CSGALNACT1: variants seen among roughly 807,000 people sequenced by gnomAD.
CSGALNACT1 encodes beta4GalNAcT-1.
A neutral mutation model predicts 51.0 loss-of-function variants in CSGALNACT1; 52 were observed. The observed-to-expected ratio is 1.02, with a 90% CI of 0.82 to 1.29. CSGALNACT1 has a LOEUF of 1.29. Among genes scored for constraint, CSGALNACT1 ranks in the 50% most tolerant of loss-of-function variants. CSGALNACT1 has a pLI of 0.00. For synonymous variants in CSGALNACT1, 341 were observed against 254.4 expected, an observed-to-expected ratio of 1.34 and a Z score of -3.24; for missense variants, 935 against 679.2, an observed-to-expected ratio of 1.38 and a Z score of -4.19.
At position 19,465,009 on chromosome 8, in the gene CSGALNACT1, A is replaced by T. The variant is rs907157072; in HGVS notation, c.635-6367T>A. Among the ~76,000 whole-genome samples, 7 of 152,198 alleles carry T rather than the reference A, an allele frequency of 4.6e-5. No homozygotes were observed. In the South Asian group the frequency reaches 1.5e-3, roughly 32 times the overall value. Reference sequence around the variant, plus strand: ...TATTTCTAGGTCTATATCCCAAAGAATTAAAAACAGGGGTCCTAACAGATA... The same window carrying T: ...TATTTCTAGGTCTATATCCCAAAGATTTAAAAACAGGGGTCCTAACAGATA... On this transcript the variant is annotated intron_variant, in intron 4 of 9. Coordinates refer to ENST00000454498, the Ensembl canonical transcript of CSGALNACT1.
exon 10 of CSGALNACT1, chr8:19,404,814 C>G: frequency 2.2e-6 from 1 of 454,494 alleles, no homozygotes; most frequent in South Asian, 1.6e-5. Flanking sequence ...AATGAGTTTC[C>G]TTTTCTGTAA....
At chr8:19,408,785 G>A (rs886664871) in intron 8 of CSGALNACT1, 91 bp from the exon 8 acceptor site, 1 of 1,111,342 alleles carries the variant, frequency 9.0e-7, no homozygotes, top group African/African-American at 1.5e-5. Flanking sequence ...GTGGAGTGTG[G>A]AGCCCATCCC....
At chr8:19,713,499 A>C (rs2062629747) in intron 1 of CSGALNACT1, among the ~76,000 whole-genome samples, 1 of 152,186 alleles carries the variant, frequency 6.6e-6, no homozygotes, top group African/African-American at 2.4e-5. Flanking sequence ...TTTTGGAAAT[A>C]AGGTTGCTTC....
chr8:19,547,851 T>C (rs1024761617), intron 3 of CSGALNACT1, among the ~76,000 whole-genome samples: 4 of 152,102 alleles, frequency 2.6e-5, no homozygotes, highest in Admixed American at 6.6e-5. Flanking sequence ...AACATTTACA[T>C]AAAAGGTGAT....
chr8:19,556,677 T>C (rs138244107), intron 3 of CSGALNACT1, among the ~76,000 whole-genome samples: 1 of 152,296 alleles, frequency 6.6e-6, no homozygotes, highest in East Asian at 1.9e-4. Flanking sequence ...GCACAAGCTA[T>C]AATAGATTCT....
intron 1 of CSGALNACT1, among the ~76,000 whole-genome samples, chr8:19,636,130 A>G (rs369778517): frequency 1.3e-5 from 2 of 152,150 alleles, no homozygotes; most frequent in African/African-American, 4.8e-5. Context: ...TGCAGTTTCC[A>G]TTACCTCAGG....
intron 5 of CSGALNACT1, among the ~76,000 whole-genome samples, chr8:19,450,616 T>G (rs975828631): frequency 6.6e-6 from 1 of 152,168 alleles, no homozygotes; most frequent in Non-Finnish European, 1.5e-5. Context: ...TGAAGTCATT[T>G]GCAGGTACAG....
rs750130671 is a variant in CSGALNACT1 at position 19,457,864 on chromosome 8, T to C, written c.851+562A>G. On this transcript the variant is annotated intron_variant, in intron 5 of 9. Coordinates refer to ENST00000454498, the Ensembl canonical transcript of CSGALNACT1. ...GTCTCATTGAGTAGCTACAAAAATGTGGGCTTGAAACCTTCTTGGTATAAT... is the reference window on the plus strand; with the variant it reads ...GTCTCATTGAGTAGCTACAAAAATGCGGGCTTGAAACCTTCTTGGTATAAT... 8 of 1,253,556 alleles carry C rather than the reference T, an allele frequency of 6.4e-6. No homozygotes were observed. The Admixed American group carries it at 1.6e-4, about 25-fold the overall frequency. The allele number at this position is 1,253,556 out of a possible 1,614,324, so 77.7% of individuals were successfully genotyped here.
At chr8:19,456,618 A>C (rs924270398) in intron 5 of CSGALNACT1, among the ~76,000 whole-genome samples, 1 of 152,228 alleles carries the variant, frequency 6.6e-6, no homozygotes, top group African/African-American at 2.4e-5. Flanking sequence ...AAACACTAAA[A>C]GAAGGTTGAA....
chr8:19,560,501 A>C (rs1183429117), intron 3 of CSGALNACT1, among the ~76,000 whole-genome samples: 1 of 152,176 alleles, frequency 6.6e-6, no homozygotes, highest in Non-Finnish European at 1.5e-5. Context: ...CCAACAGAAG[A>C]CTTCGATCCT....
intron 1 of CSGALNACT1, among the ~76,000 whole-genome samples, chr8:19,707,972 C>T (rs1459746360): frequency 6.6e-6 from 1 of 152,172 alleles, no homozygotes; most frequent in Non-Finnish European, 1.5e-5. Flanking sequence ...GGCGCCACTG[C>T]ACTCCAGCCT....
chr8:19,521,643 A>G (rs2154030775), intron 3 of CSGALNACT1, among the ~76,000 whole-genome samples: 1 of 152,338 alleles, frequency 6.6e-6, no homozygotes, highest in Admixed American at 6.5e-5. Context: ...AGATCACACT[A>G]CTAGACTCCG....
intron 1 of CSGALNACT1, among the ~76,000 whole-genome samples, chr8:19,752,208 T>TA (rs1391912933): frequency 6.7e-6 from 1 of 148,686 alleles, no homozygotes; most frequent in African/African-American, 2.4e-5. Context: ...ATATATCTTA[T>TA]ATGATATATA....
At chr8:19,653,439 G>C (rs1251046524) in intron 1 of CSGALNACT1, among the ~76,000 whole-genome samples, 1 of 152,054 alleles carries the variant, frequency 6.6e-6, no homozygotes, top group South Asian at 2.1e-4. Context: ...GGCCTACCCT[G>C]CACCCTCATC....
chr8:19,427,826 A>G (rs1255877065), intron 6 of CSGALNACT1, among the ~76,000 whole-genome samples: 1 of 152,092 alleles, frequency 6.6e-6, no homozygotes, highest in African/African-American at 2.4e-5. Context: ...TGGCAATCTT[A>G]ACACCATGCC....
At chr8:19,417,425 G>C (rs1009753059) in intron 8 of CSGALNACT1, among the ~76,000 whole-genome samples, 1 of 152,204 alleles carries the variant, frequency 6.6e-6, no homozygotes, top group Non-Finnish European at 1.5e-5. Flanking sequence ...CTTGGGGAGA[G>C]AGGATGAAAG....
intron 8 of CSGALNACT1, among the ~76,000 whole-genome samples, chr8:19,413,219 A>G (rs1051622337): frequency 7.2e-5 from 11 of 152,142 alleles, no homozygotes; most frequent in African/African-American, 2.7e-4. Flanking sequence ...TGCCATTTCC[A>G]GGAACCTATC....
At chr8:19,670,471 T>G (rs1196963114) in intron 1 of CSGALNACT1, among the ~76,000 whole-genome samples, 2 of 152,070 alleles carry the variant, frequency 1.3e-5, no homozygotes, top group Non-Finnish European at 2.9e-5. Flanking sequence ...TAAATATATA[T>G]GTACATACAT....
chr8:19,566,854 A>T (rs1358593644), intron 3 of CSGALNACT1, among the ~76,000 whole-genome samples: 1 of 152,216 alleles, frequency 6.6e-6, no homozygotes, highest in Non-Finnish European at 1.5e-5. Context: ...GCCCTTGATG[A>T]GTACTTACAG....
Sources: gnomAD v4.1 joint callset for allele counts (sites outside exome capture counted in the v4.1 genomes callset) on GRCh38, gnomAD v4.1.1 for gene constraint, MANE v1.5 for transcripts, NCBI Gene and HGNC (gene_info 2026-07-23, HGNC 2026-07-21) for gene names.